Variants in NLGN1 observed in about 807,000 individuals in gnomAD.
The protein encoded by NLGN1 is neuroligin 1.
A neutral mutation model predicts 65.5 loss-of-function variants in NLGN1; 12 were observed. The ratio of observed to expected loss-of-function variants is 0.18; its 90% confidence interval spans 0.12 to 0.30. The LOEUF (loss-of-function observed/expected upper bound fraction) is 0.30, where lower values mean the gene tolerates loss of function less well. Among genes scored for constraint, NLGN1 ranks in the 10% least tolerant of loss-of-function variants. NLGN1 has a pLI of 1.00. For missense variants in NLGN1, 750 were observed against 1,007.1 expected (o/e 0.74, Z 3.46); for synonymous variants, 350 against 359.5 (o/e 0.97, Z 0.30).
intron 3 of NLGN1, among the ~76,000 whole-genome samples, chr3:173,647,018 A>C (rs1758375646): frequency 6.6e-6 from 1 of 152,184 alleles, no homozygotes; most frequent in African/African-American, 2.4e-5. Context: ...AACATTACTC[A>C]AAAGAAAGCC....
At chr3:173,738,604 T>G (rs184129884) in intron 3 of NLGN1, among the ~76,000 whole-genome samples, 6 of 152,272 alleles carry the variant, frequency 3.9e-5, no homozygotes, top group African/African-American at 1.4e-4. Context: ...GATTTATATG[T>G]CTACCCTTCT....
chr3:174,019,238 T>G (rs1260995677), intron 4 of NLGN1, among the ~76,000 whole-genome samples: 1 of 152,168 alleles, frequency 6.6e-6, no homozygotes, highest in East Asian at 1.9e-4. Flanking sequence ...ATTGGAAACT[T>G]AATCCCTAAA....
intron 4 of NLGN1, among the ~76,000 whole-genome samples, chr3:173,852,342 C>A (rs377087828): frequency 1.9e-5 from 2 of 103,132 alleles, no homozygotes; most frequent in Non-Finnish European, 3.4e-5. Context: ...GGCAACAGAG[C>A]GAGACTCCGT....
At chr3:173,552,917 A>G (rs1448990404) in intron 2 of NLGN1, among the ~76,000 whole-genome samples, 1 of 152,240 alleles carries the variant, frequency 6.6e-6, no homozygotes, top group Admixed American at 6.5e-5. Context: ...GAGAAATTCT[A>G]TTTAGATCCT....
At chr3:173,452,837 C>T (rs1721853762) in intron 2 of NLGN1, among the ~76,000 whole-genome samples, 2 of 152,152 alleles carry the variant, frequency 1.3e-5, no homozygotes, top group Non-Finnish European at 2.9e-5. Context: ...TAAAGTGAGC[C>T]ACAGACATTT....
At chr3:173,975,797 G>A (rs916772186) in intron 4 of NLGN1, among the ~76,000 whole-genome samples, 4 of 151,766 alleles carry the variant, frequency 2.6e-5, no homozygotes, top group African/African-American at 9.7e-5. Flanking sequence ...TATTTTTGGT[G>A]GCATTTTTAT....
At chr3:173,826,051 C>T (rs1158241388) in intron 4 of NLGN1, among the ~76,000 whole-genome samples, 3 of 151,954 alleles carry the variant, frequency 2.0e-5, no homozygotes, top group African/African-American at 4.8e-5. Flanking sequence ...ACTAAAAGTG[C>T]ATTAGCTGTG....
intron 4 of NLGN1, among the ~76,000 whole-genome samples, chr3:173,891,315 G>A (rs543484819): frequency 6.6e-6 from 1 of 152,240 alleles, no homozygotes; most frequent in Non-Finnish European, 1.5e-5. Flanking sequence ...ATTATGGGCT[G>A]ATAATCATAT....
chr3:173,947,506 A>G (rs1485629574), intron 4 of NLGN1, among the ~76,000 whole-genome samples: 1 of 152,078 alleles, frequency 6.6e-6, no homozygotes, highest in East Asian at 1.9e-4. Flanking sequence ...CAGGTAGTGA[A>G]CTCTCAATAC....
intron 4 of NLGN1, among the ~76,000 whole-genome samples, chr3:174,142,117 A>G (rs905780274): frequency 1.3e-5 from 2 of 152,132 alleles, no homozygotes; most frequent in African/African-American, 4.8e-5. Context: ...TTTACCACAT[A>G]TACCTGTACC....
chr3:173,996,983 T>C (rs2152421366), intron 4 of NLGN1, among the ~76,000 whole-genome samples: 1 of 152,298 alleles, frequency 6.6e-6, no homozygotes, highest in East Asian at 1.9e-4. Flanking sequence ...ACAATGTTTT[T>C]TAAATAGTGG....
rs371823106 is a variant in NLGN1 at position 174,140,718 on chromosome 3, T to C, written c.647-134597T>C. Among the ~76,000 whole-genome samples, 530 of 152,236 alleles carry C rather than the reference T, an allele frequency of 3.5e-3. 3 individuals are homozygous for C. The highest frequency in any genetic ancestry group is 3.4e-3 in the Middle Eastern group (1 of 294). ...TGCTCTTGGTTGACAATATCCTCTT[T>C]AGTTTTCCATGTCATGGATTATTTT... On this transcript the variant is annotated intron_variant, in intron 4 of 6. Coordinates refer to ENST00000457714, the Ensembl canonical transcript of NLGN1.
chr3:174,269,962 A>G (rs745457836), intron 4 of NLGN1, among the ~76,000 whole-genome samples: 5 of 151,816 alleles, frequency 3.3e-5, no homozygotes, highest in Non-Finnish European at 7.4e-5. Flanking sequence ...CCATTTGTAT[A>G]TCATCTCTTT....
chr3:173,728,614 G>C (rs1390737159), intron 3 of NLGN1, among the ~76,000 whole-genome samples: 1 of 152,080 alleles, frequency 6.6e-6, no homozygotes, highest in Non-Finnish European at 1.5e-5. Context: ...AGTCATGCTT[G>C]ATTAGAGTGG....
chr3:173,528,151 T>C (rs1037686566), intron 2 of NLGN1, among the ~76,000 whole-genome samples: 10 of 152,312 alleles, frequency 6.6e-5, no homozygotes, highest in African/African-American at 2.4e-4. Context: ...TTCAGTGTAG[T>C]GGTGATGAAT....
intron 4 of NLGN1, among the ~76,000 whole-genome samples, chr3:173,947,306 G>C (rs1043108259): frequency 2.0e-5 from 3 of 152,010 alleles, no homozygotes; most frequent in Non-Finnish European, 4.4e-5. Flanking sequence ...ACAGGTGTTA[G>C]CCACCACGAC....
chr3:174,107,304 A>G (rs1305768754), intron 4 of NLGN1, among the ~76,000 whole-genome samples: 1 of 152,136 alleles, frequency 6.6e-6, no homozygotes, highest in Non-Finnish European at 1.5e-5. Flanking sequence ...AACGTTACCT[A>G]TGACAACCAC....
Position 173,605,606 on chromosome 3 carries a change from G to A in NLGN1, c.493+515G>A. 1 of 1,262,524 alleles carries A rather than the reference G, an allele frequency of 7.9e-7. No homozygotes were observed. The highest frequency in any genetic ancestry group is 1.0e-6 in the Non-Finnish European group (1 of 964,342). The allele number at this position is 1,262,524 out of a possible 1,614,324, so 78.2% of individuals were successfully genotyped here. A position where few individuals can be genotyped will look rare whatever the true frequency, so the allele number is the denominator to read the frequency against. On this transcript the variant is annotated intron_variant, in intron 3 of 6. Transcript: ENST00000457714. ...TGTAGAAAAGGAGGTATGTATAAAA[G>A]TGGAAATTAAAAATGGGGGAAAAAG...
chr3:173,407,243 G>T (rs1251464675), intron 1 of NLGN1, among the ~76,000 whole-genome samples: 1 of 152,082 alleles, frequency 6.6e-6, no homozygotes, highest in Non-Finnish European at 1.5e-5. Flanking sequence ...TTGTACAAAG[G>T]AATCATTTAT....
Sources: gnomAD v4.1 joint callset for allele counts (sites outside exome capture counted in the v4.1 genomes callset) on GRCh38, gnomAD v4.1.1 for gene constraint, MANE v1.5 for transcripts, NCBI Gene and HGNC (gene_info 2026-07-23, HGNC 2026-07-21) for gene names.